The following CNTNAP3B variants were observed in gnomAD, a reference collection of about 807,000 sequenced individuals.
The protein encoded by CNTNAP3B is contactin-associated protein-like 3B.
CNTNAP3B carries 25 observed loss-of-function variants against 108.9 expected under a neutral mutation model. The ratio of observed to expected loss-of-function variants is 0.23; its 90% CI spans 0.17 to 0.32. The LOEUF is 0.32. CNTNAP3B is among the 10% of genes least tolerant of loss of function. The pLI, the probability that CNTNAP3B is intolerant of heterozygous loss-of-function variation, is 1.00. For missense variants in CNTNAP3B, 252 were observed against 1,210.4 expected (o/e 0.21, Z 11.75); for synonymous variants, 103 against 473.4 (o/e 0.22, Z 10.16).
At chr9:41,928,644 C>G (rs963000305) in intron 15 of CNTNAP3B, among the ~76,000 whole-genome samples, 3 of 152,278 alleles carry the variant, frequency 2.0e-5, no homozygotes, top group South Asian at 2.1e-4. Context: ...TGAGGTAGAA[C>G]AGGAAATAAA....
chr9:41,969,649 G>A (rs1313561504), intron 10 of CNTNAP3B, among the ~76,000 whole-genome samples: 3 of 151,912 alleles, frequency 2.0e-5, no homozygotes, highest in African/African-American at 4.9e-5. Context: ...ACCGAGTCTC[G>A]CTCTGTCGCC....
chr9:41,940,212 C>A (rs1407370229), intron 13 of CNTNAP3B, among the ~76,000 whole-genome samples: 1 of 152,296 alleles, frequency 6.6e-6, no homozygotes, highest in Non-Finnish European at 1.5e-5. Context: ...AAACTTCCCA[C>A]ATGTGGTGAA....
chr9:41,940,685 G>T (rs1320846408), intron 13 of CNTNAP3B, among the ~76,000 whole-genome samples: 6 of 152,138 alleles, frequency 3.9e-5, no homozygotes, highest in Non-Finnish European at 8.8e-5. Context: ...CGTAGCGGCG[G>T]GAGCCTGTAG....
At chr9:41,952,163 G>A (rs1460734810) in intron 13 of CNTNAP3B, among the ~76,000 whole-genome samples, 80 of 152,336 alleles carry the variant, frequency 5.3e-4, no homozygotes, top group African/African-American at 1.8e-3. Flanking sequence ...GTGGATCAGC[G>A]CAAACCACCT....
chr9:42,120,807 C>A (rs1317179305), intron 1 of CNTNAP3B, among the ~76,000 whole-genome samples: 1 of 95,802 alleles, frequency 1.0e-5, no homozygotes, highest in Non-Finnish European at 1.9e-5. Context: ...GAACACTACA[C>A]AACGGGGACT....
intron 13 of CNTNAP3B, among the ~76,000 whole-genome samples, chr9:41,947,912 C>A (rs1396802552): frequency 2.0e-5 from 3 of 152,024 alleles, no homozygotes; most frequent in Non-Finnish European, 2.9e-5. Context: ...ATCAACTTGA[C>A]AATTCAGATT....
chr9:42,030,994 A>G (rs1826515123), intron 3 of CNTNAP3B, among the ~76,000 whole-genome samples: 1 of 104,840 alleles, frequency 9.5e-6, no homozygotes, highest in South Asian at 3.1e-4. Flanking sequence ...TCGTTTTGCT[A>G]GACATCTCTA....
rs189792408 is a variant in CNTNAP3B at position 42,113,822 on chromosome 9, T to A, written c.86-9083A>T. Among the ~76,000 whole-genome samples, 17 of 139,678 alleles carry A rather than the reference T, an allele frequency of 1.2e-4. 3 individuals carry two copies. The East Asian group carries it at 2.6e-3, about 21-fold the overall frequency. 91.6% of individuals were successfully genotyped at this position (139,678 alleles called of 152,430 possible). On this transcript the variant is annotated intron_variant, in intron 1 of 23. Transcript: ENST00000377561. ...ATTGGATTGTTTGCAACTCGAAGGA[T>A]AATTGCTTGAGGGGATGGATACTCC... is the stretch of plus-strand genomic sequence containing the variant.
At position 42,088,455 on chromosome 9, in the gene CNTNAP3B, T is replaced by C. The variant is rs1409908013; in HGVS notation, c.197-11393A>G. Among the ~76,000 whole-genome samples, 2 of 139,548 alleles carry C rather than the reference T, an allele frequency of 1.4e-5. 1 individual carries two copies. The highest frequency in any genetic ancestry group is 5.7e-5 in the African/African-American group (2 of 35,324). 91.5% of individuals were successfully genotyped at this position (139,548 alleles called of 152,430 possible). ...TTTGTTTGAATGCCACTTCCTGTCATAGTACTAACAACCTATTTTAGATGA... is the reference window on the plus strand; with the variant it reads ...TTTGTTTGAATGCCACTTCCTGTCACAGTACTAACAACCTATTTTAGATGA... On this transcript the variant is annotated intron_variant, in intron 2 of 23. Coordinates refer to ENST00000377561, the MANE Select transcript of CNTNAP3B (RefSeq NM_001201380.3).
chr9:42,121,236 G>T (rs1828455756), intron 1 of CNTNAP3B, among the ~76,000 whole-genome samples: 1 of 138,500 alleles, frequency 7.2e-6, no homozygotes. Context: ...TCACGCCCCA[G>T]TTGCTCACAG....
At chr9:42,041,343 C>G (rs1278288155) in intron 3 of CNTNAP3B, among the ~76,000 whole-genome samples, 6 of 150,370 alleles carry the variant, frequency 4.0e-5, no homozygotes, top group Non-Finnish European at 7.4e-5. Flanking sequence ...ACCCATCTGA[C>G]AAAGGGCTAA....
At chr9:42,019,591 C>CA (rs569640352) in intron 3 of CNTNAP3B, among the ~76,000 whole-genome samples, 139 of 100,718 alleles carry the variant, frequency 1.4e-3, no homozygotes, top group Middle Eastern at 4.5e-3. Flanking sequence ...ATCTCTACTT[C>CA]AAAAAAAAAA....
rs890353900 is a variant in CNTNAP3B at position 42,112,668 on chromosome 9, C to T, written c.86-7929G>A. 5.1e-5 allele frequency among the ~76,000 whole-genome samples: 7 copies of T among 136,720 alleles called. 2 individuals are homozygous for T. Among genetic ancestry groups the T allele is most frequent in the African/African-American group, 1.2e-4 (4 of 34,062 alleles). The allele number at this position is 136,720 out of a possible 152,430, so 89.7% of individuals were successfully genotyped here. Reference sequence around the variant, plus strand: ...ACACGTTGTCTCTCCTTCCAGATGACATTTTGACTTGTTAAAGAAAACCTA... The same window carrying T: ...ACACGTTGTCTCTCCTTCCAGATGATATTTTGACTTGTTAAAGAAAACCTA... On this transcript the variant is annotated intron_variant, in intron 1 of 23. Coordinates refer to ENST00000377561, the MANE Select transcript of CNTNAP3B (RefSeq NM_001201380.3).
At chr9:42,088,898 G>A (rs559459313) in intron 2 of CNTNAP3B, among the ~76,000 whole-genome samples, 3 of 140,038 alleles carry the variant, frequency 2.1e-5, no homozygotes, top group Non-Finnish European at 4.6e-5. Context: ...AACTAAGGAG[G>A]GGAATATGCA....
rs1259987466 is a variant in CNTNAP3B, at chr9:41,941,412, A to G, written c.2081-3012T>C. ...AGAAAGCAGAATGGCTATCTCATAA[A>G]ATAGACTTCAGAACAAAAATACTAG... On this transcript the variant is annotated intron_variant, in intron 13 of 23. Coordinates refer to ENST00000377561, the MANE Select transcript of CNTNAP3B (RefSeq NM_001201380.3). 2.7e-5 allele frequency among the ~76,000 whole-genome samples: 4 copies of G among 150,720 alleles called. No individual in the cohort carries two copies. The East Asian group carries it at 5.8e-4, about 22-fold the overall frequency.
At chr9:41,982,185 G>A (rs1288973797) in intron 9 of CNTNAP3B, among the ~76,000 whole-genome samples, 8 of 68,028 alleles carry the variant, frequency 1.2e-4, no homozygotes, top group African/African-American at 5.0e-4. Flanking sequence ...CAAAGACACC[G>A]AAAGCAATTG....
chr9:41,969,076 G>A (rs1168684709), intron 10 of CNTNAP3B, among the ~76,000 whole-genome samples: 3 of 152,302 alleles, frequency 2.0e-5, no homozygotes, highest in Admixed American at 6.5e-5. Context: ...GATTACAGGC[G>A]TGAGCCACCA....
intron 3 of CNTNAP3B, among the ~76,000 whole-genome samples, chr9:42,030,813 G>GGAGAGAGA (rs71274672): frequency 0.16 from 10,366 of 65,466 alleles, 1,862 homozygotes; most frequent in East Asian, 0.39. Context: ...GAGAGAGAGA[G>GGAGAGAGA]GAGAGAGAGA....
intron 8 of CNTNAP3B, 44 bp from the exon 9 acceptor site, chr9:41,986,355 C>T (rs1245405812): frequency 1.9e-6 from 2 of 1,051,492 alleles, no homozygotes; most frequent in East Asian, 8.2e-5. Flanking sequence ...AAATTATGAG[C>T]TCTGTAAACA....
Sources: gnomAD v4.1 joint callset for allele counts (sites outside exome capture counted in the v4.1 genomes callset) on GRCh38, gnomAD v4.1.1 for gene constraint, MANE v1.5 for transcripts, NCBI Gene and HGNC (gene_info 2026-07-23, HGNC 2026-07-21) for gene names.